Variants in ZNF746 observed in about 807,000 individuals in gnomAD.
The protein encoded by ZNF746 is zinc finger protein 746.
ZNF746 carries 13 observed loss-of-function variants against 41.0 expected under a neutral mutation model. The observed-to-expected ratio is 0.32, with a 90% CI of 0.21 to 0.50. The LOEUF (loss-of-function observed/expected upper bound fraction) is 0.50, where lower values mean the gene tolerates loss of function less well. ZNF746 is among the 20% of genes least tolerant of loss of function. The pLI, the probability that ZNF746 is intolerant of heterozygous loss-of-function variation, is 0.98. For synonymous variants in ZNF746, 424 were observed against 396.2 expected (o/e 1.07, Z -0.83); for missense variants, 811 against 922.9 (o/e 0.88, Z 1.57).
In ZNF746 at chr7:149,475,134, C is replaced by T. The variant is rs1163195866; in HGVS notation, c.1233G>A (p.Thr411=). 19 of 1,612,404 alleles carry T rather than the reference C, an allele frequency of 1.2e-5. No individual in the cohort carries two copies. Among genetic ancestry groups the T allele is most frequent in the Non-Finnish European group, 5.9e-6 (7 of 1,179,738 alleles). Reference sequence around the variant, plus strand: ...AGGAGTAAGGAAGCCCCTCGGGCCCCGTCCTCGGGTTCAGGCCCACTGGCG... The same window carrying T: ...AGGAGTAAGGAAGCCCCTCGGGCCCTGTCCTCGGGTTCAGGCCCACTGGCG... ...CKPPVGLNPR[T]GPEGLPYSSP... Residue 411 remains threonine, a synonymous_variant, in exon 7 of 7, where the codon ACG becomes ACA. Transcript: ENST00000458143.
Position 149,493,977 on chromosome 7 carries a change from G to A in ZNF746, c.451+12C>T. On this transcript the variant is annotated intron_variant, in intron 3 of 6. Coordinates refer to ENST00000458143, the MANE Select transcript of ZNF746 (RefSeq NM_001394198.1). Reference sequence around the variant, plus strand: ...AATCCCATTTAACAGAGAAATGAGTGTCAGGCCTTACCCAGGGAGACCAGC... The same window carrying A: ...AATCCCATTTAACAGAGAAATGAGTATCAGGCCTTACCCAGGGAGACCAGC... The A allele has an allele frequency of 1.2e-6, 2 of 1,614,208 alleles. No individual in the cohort carries two copies. The highest frequency in any genetic ancestry group is 1.7e-6 in the Non-Finnish European group (2 of 1,180,034).
rs146209297 is a variant in ZNF746 at position 149,494,008 on chromosome 7, G to A, written c.432C>T (p.Tyr144=). 31 of 1,614,092 alleles carry A rather than the reference G, an allele frequency of 1.9e-5. No individual in the cohort carries two copies. Among genetic ancestry groups the A allele is most frequent in the African/African-American group, 8.0e-5 (6 of 74,916 alleles). Residue 144 remains tyrosine, a synonymous_variant, in exon 3 of 7, where the codon TAC becomes TAT. Coordinates refer to ENST00000458143, the MANE Select transcript of ZNF746 (RefSeq NM_001394198.1). The surrounding 1 kb of genome is among the most constrained non-coding windows in gnomAD (Gnocchi z 5.6). The part of the protein sequence containing the change: ...ELYKHVMRGN[Y]ETLVSLDYAI... ...CCTTACCCAGGGAGACCAGCGTCTC[G>A]TAGTTGCCCCTCATCACGTGCTTGT...
chr7:149,497,113 C>T lies in ZNF746; in HGVS notation c.24+400G>A. 2.1e-5 allele frequency: 21 copies of T among 985,376 alleles called. No homozygotes were observed. The highest frequency in any genetic ancestry group is 2.5e-5 in the Non-Finnish European group (21 of 829,930). 61.0% of individuals were successfully genotyped at this position (985,376 alleles called of 1,614,324 possible). ...GTGTATGCGGATTCGAAGCCGGACA[C>T]CTCCCAGGTGCCACCAGGCCGCTGC... On this transcript the variant is annotated intron_variant, in intron 1 of 6. Coordinates refer to ENST00000458143, the MANE Select transcript of ZNF746 (RefSeq NM_001394198.1). The surrounding 1 kb of genome is among the most constrained non-coding windows in gnomAD (Gnocchi z 4.2).
chr7:149,480,200 C>T (rs954827493), intron 4 of ZNF746, among the ~76,000 whole-genome samples: 2 of 152,094 alleles, frequency 1.3e-5, no homozygotes, highest in Non-Finnish European at 2.9e-5. Flanking sequence ...ATCACCATCT[C>T]GAGAAAATCA....
Position 149,493,899 on chromosome 7 carries a change from A to G in ZNF746, c.451+90T>C, listed in dbSNP as rs77994697. 5.7e-4 allele frequency: 921 copies of G among 1,601,970 alleles called. 3 individuals are homozygous for G. In the African/African-American group the frequency reaches 0.011, roughly 18 times the overall value. On this transcript the variant is annotated intron_variant, in intron 3 of 6. Transcript: ENST00000458143. Reference sequence around the variant, plus strand: ...GTCAACAATGTTTCTGGTGATTTATATAACACTGACATGAAAACAACTATG... The same window carrying G: ...GTCAACAATGTTTCTGGTGATTTATGTAACACTGACATGAAAACAACTATG...
rs200576835 is a variant in ZNF746, at chr7:149,474,403, G to A, written c.1964C>T (p.Thr655Ile). 2.9e-5 allele frequency: 47 copies of A among 1,609,046 alleles called. No homozygotes were observed. In the East Asian group the frequency reaches 7.6e-4, roughly 26 times the overall value. ...WTCGLSVLGP[T>I]DGGDM is the part of the protein sequence containing the mutation. The stretch of plus-strand genomic sequence containing the variant: ...AGGCGCTCACATGTCCCCGCCATCG[G>A]TGGGTCCCAGGACGCTGAGGCCACA... Residue 655 changes from threonine to isoleucine, a missense_variant, in exon 7 of 7, where the codon ACC becomes ATC. Physicochemically the swap from Thr to Ile is moderately conservative, Grantham distance 89. Around this residue, in one of 4 missense-constraint regions of ZNF746, gnomAD observed 99 missense variants for 80.3 expected, o/e 1.23. Coordinates refer to ENST00000458143, the MANE Select transcript of ZNF746 (RefSeq NM_001394198.1). The surrounding 1 kb of genome is among the most constrained non-coding windows in gnomAD (Gnocchi z 6.3).
intron 3 of ZNF746, among the ~76,000 whole-genome samples, chr7:149,493,623 T>A (rs1286552726): frequency 6.6e-6 from 1 of 152,238 alleles, no homozygotes; most frequent in African/African-American, 2.4e-5. Flanking sequence ...GGGCCACGCA[T>A]GTTTGTAGGA....
chr7:149,486,224 C>T (rs111891574), intron 4 of ZNF746, among the ~76,000 whole-genome samples: 56 of 152,062 alleles, frequency 3.7e-4, no homozygotes, highest in African/African-American at 1.3e-3. Context: ...ACAGCATTTC[C>T]CAGGGTGGTG....
At chr7:149,477,154 CT>C in intron 5 of ZNF746, 107 bp from the exon 6 acceptor site, 1 of 1,393,002 alleles carries the variant, frequency 7.2e-7, no homozygotes, top group Non-Finnish European at 9.5e-7. Context: ...CCACTGGGGG[CT>C]TTTCTGAGTG....
chr7:149,497,612 C>G lies in ZNF746; in HGVS notation c.-76G>C. ...GCGCGCGGCACCACGCAGGCCCGGC[C>G]GCCCGGTGCTCTCCGCAGGCGGCGC... On this transcript the variant is annotated 5_prime_UTR_variant, in exon 1 of 7. Transcript: ENST00000458143. The surrounding 1 kb of genome is among the most constrained non-coding windows in gnomAD (Gnocchi z 4.2). The G allele has an allele frequency of 1.0e-6, 1 of 1,004,044 alleles. No individual in the cohort carries two copies. The highest frequency in any genetic ancestry group is 1.2e-6 in the Non-Finnish European group (1 of 839,686). The allele number at this position is 1,004,044 out of a possible 1,614,324, so 62.2% of individuals were successfully genotyped here. A position where few individuals can be genotyped will look rare whatever the true frequency, so the allele number is the denominator to read the frequency against.
In ZNF746 at chr7:149,497,431, A is replaced by T. The variant is rs1801045697; in HGVS notation, c.24+82T>A. 16 of 1,039,580 alleles carry T rather than the reference A, an allele frequency of 1.5e-5. No homozygotes were observed. Among genetic ancestry groups the T allele is most frequent in the Non-Finnish European group, 1.9e-5 (16 of 864,256 alleles). 64.4% of individuals were successfully genotyped at this position (1,039,580 alleles called of 1,614,324 possible). Reference sequence around the variant, plus strand: ...GGCCCGGACCCCGGAACCCCTCCCCAGGGCCTGCGGCGCCGTGTGCCGGGG... The same window carrying T: ...GGCCCGGACCCCGGAACCCCTCCCCTGGGCCTGCGGCGCCGTGTGCCGGGG... On this transcript the variant is annotated intron_variant, in intron 1 of 6. Transcript: ENST00000458143. This position sits in a 1 kb window ranked among gnomAD's most constrained non-coding sequence, Gnocchi z 4.2.
intron 4 of ZNF746, among the ~76,000 whole-genome samples, chr7:149,485,157 A>G (rs1357199328): frequency 6.6e-6 from 1 of 151,686 alleles, no homozygotes; most frequent in Non-Finnish European, 1.5e-5. Flanking sequence ...GATTTAAAAA[A>G]AAAAAAAAAA....
intron 4 of ZNF746, among the ~76,000 whole-genome samples, chr7:149,483,516 A>G (rs995513991): frequency 6.6e-6 from 1 of 152,102 alleles, no homozygotes; most frequent in African/African-American, 2.4e-5. Flanking sequence ...CTGAGGCAGG[A>G]GAATGGCTTG....
rs767294999 is a variant in ZNF746 at position 149,493,938 on chromosome 7, C to T, written c.451+51G>A. On this transcript the variant is annotated intron_variant, in intron 3 of 6. Transcript: ENST00000458143. ...AAAACAACTATGTGGAGGGAGAATT[C>T]TGAGGACTTGCAAAATCCCATTTAA... 6 of 1,613,946 alleles carry T rather than the reference C, an allele frequency of 3.7e-6. No individual in the cohort carries two copies. In the South Asian group the frequency reaches 4.4e-5, roughly 12 times the overall value.
chr7:149,486,883 T>C (rs767060425), intron 4 of ZNF746, among the ~76,000 whole-genome samples: 3 of 152,232 alleles, frequency 2.0e-5, no homozygotes, highest in Non-Finnish European at 4.4e-5. Context: ...AATTTTGTTC[T>C]GTATGTATTT....
chr7:149,474,251 G>A lies in ZNF746; in HGVS notation c.*133C>T. On this transcript the variant is annotated 3_prime_UTR_variant, in exon 7 of 7. Coordinates refer to ENST00000458143, the MANE Select transcript of ZNF746 (RefSeq NM_001394198.1). This position sits in a 1 kb window ranked among gnomAD's most constrained non-coding sequence, Gnocchi z 6.3. Reference sequence around the variant, plus strand: ...GGTGGATAGTTTCTCTTTCTCCAGTGATCATCAGTTCAGCAACTTGGACAT... The same window carrying A: ...GGTGGATAGTTTCTCTTTCTCCAGTAATCATCAGTTCAGCAACTTGGACAT... The A allele has an allele frequency of 9.8e-7, 1 of 1,016,688 alleles. No homozygotes were observed. Among genetic ancestry groups the A allele is most frequent in the Non-Finnish European group, 1.4e-6 (1 of 702,648 alleles). The allele number at this position is 1,016,688 out of a possible 1,614,324, so 63.0% of individuals were successfully genotyped here.
At chr7:149,491,222 G>C (rs1370188819) in intron 4 of ZNF746, 1 of 152,434 alleles carries the variant, frequency 6.6e-6, no homozygotes, top group African/African-American at 2.4e-5. Flanking sequence ...TGGAGTTTGT[G>C]TCTACTCATC....
chr7:149,481,643 A>G (rs1800489120), intron 4 of ZNF746, among the ~76,000 whole-genome samples: 1 of 152,236 alleles, frequency 6.6e-6, no homozygotes, highest in African/African-American at 2.4e-5. Flanking sequence ...GCTCATTACC[A>G]TCAGACCCAC....
In ZNF746 at chr7:149,474,511, G is replaced by A. The variant is rs968111621; in HGVS notation, c.1856C>T (p.Thr619Met). Residue 619 changes from threonine to methionine, a missense_variant, in exon 7 of 7, where the codon ACG becomes ATG. Transcript: ENST00000458143. This position sits in a 1 kb window ranked among gnomAD's most constrained non-coding sequence, Gnocchi z 6.3. ...GAAGGGATCAGGAGGTGCGGGCGGC[G>A]TCGGGAGTGGCTGGCCTCGGGCCGG... ...KTPARGQPLP[T>M]PPAPPDPFKS... The A allele has an allele frequency of 1.9e-6, 3 of 1,609,814 alleles. No homozygotes were observed. Among genetic ancestry groups the A allele is most frequent in the Middle Eastern group, 1.7e-4 (1 of 6,048 alleles).
Sources: gnomAD v4.1 joint callset for allele counts (sites outside exome capture counted in the v4.1 genomes callset) on GRCh38, gnomAD v4.1.1 for gene constraint, gnomAD v4.1.1 regional missense constraint, Gnocchi (gnomAD v3.1) non-coding constraint, MANE v1.5 for transcripts, NCBI Gene and HGNC (gene_info 2026-07-23, HGNC 2026-07-21) for gene names.